The following CFAP92 variants were observed in gnomAD, a reference collection of about 807,000 sequenced individuals.
CFAP92 encodes uncharacterized protein CFAP92.
CFAP92 carries 86 observed loss-of-function variants against 106.3 expected under a neutral mutation model. The observed-to-expected ratio is 0.81, with a 90% CI of 0.68 to 0.97. CFAP92 has a LOEUF of 0.97. Ranked by LOEUF, CFAP92 falls within the 50% of genes least tolerant of loss-of-function variation. The probability of loss-of-function intolerance (pLI) is 0.00; values close to 1 mark genes in which losing one functional copy is unlikely to be tolerated. For synonymous variants in CFAP92, 477 were observed against 506.4 expected (o/e 0.94, Z 0.78); for missense variants, 1,204 against 1,283.8 (o/e 0.94, Z 0.95).
intron 12 of CFAP92, among the ~76,000 whole-genome samples, chr3:128,930,668 T>C (rs1576420502): frequency 6.6e-6 from 1 of 151,992 alleles, no homozygotes; most frequent in Non-Finnish European, 1.5e-5. Flanking sequence ...GGAGAATCAC[T>C]TGAGCCTGGG....
chr3:129,016,324 A>C, the CFAP92 span, among the ~76,000 whole-genome samples: 2 of 152,260 alleles, frequency 1.3e-5, no homozygotes, highest in South Asian at 4.1e-4. Flanking sequence ...GTGAAAGAGA[A>C]GTTCCACCTG....
intron 7 of CFAP92, among the ~76,000 whole-genome samples, chr3:128,975,426 G>GGGATGGATGGAT (rs142490124): frequency 6.7e-6 from 1 of 148,940 alleles, no homozygotes; most frequent in Admixed American, 6.7e-5. Context: ...TGGATGGATA[G>GGGATGGATGGAT]GGATGGATGG....
At chr3:128,942,299 G>A (rs1191442999) in intron 10 of CFAP92, among the ~76,000 whole-genome samples, 2 of 152,220 alleles carry the variant, frequency 1.3e-5, no homozygotes, top group Admixed American at 6.5e-5. Flanking sequence ...CTGTCTTCTC[G>A]TGGAGCCAGA....
intron 9 of CFAP92, among the ~76,000 whole-genome samples, chr3:128,957,243 C>T (rs917039968): frequency 1.3e-5 from 2 of 152,138 alleles, no homozygotes; most frequent in African/African-American, 4.8e-5. Context: ...ATACACTTTC[C>T]TTCAACCCTT....
chr3:129,002,722 G>A (rs1305674010), upstream of CFAP92: 4 of 213,936 alleles, frequency 1.9e-5, no homozygotes, highest in African/African-American at 4.6e-5. Flanking sequence ...GGAGACAGAA[G>A]TGTGAAGAAG....
chr3:128,945,817 G>A lies in CFAP92; in HGVS notation c.1512C>T (p.Gly504=). ...CGTGAACTTCCACCACCATGGGGGG[G>A]CCCTCCAGGTATTCCCTTAGGTCAC... is the stretch of plus-strand genomic sequence containing the variant. ...HPSDLREYLE[G]PPMVVEVHDR... is the part of the protein sequence containing the mutation. Residue 504 remains glycine, a synonymous_variant, in exon 10 of 16, where the codon GGC becomes GGT. Coordinates refer to ENST00000645291, the MANE Select transcript of CFAP92 (RefSeq NM_001394090.1). 1.3e-6 allele frequency: 2 copies of A among 1,521,128 alleles called. No homozygotes were observed. Among genetic ancestry groups the A allele is most frequent in the Non-Finnish European group, 8.8e-7 (1 of 1,140,032 alleles). 94.2% of individuals were successfully genotyped at this position (1,521,128 alleles called of 1,614,324 possible). A position where few individuals can be genotyped will look rare whatever the true frequency, so the allele number is the denominator to read the frequency against.
rs62265285 is a variant in CFAP92 at position 128,931,509 on chromosome 3, A to G, written c.2751+1191T>C. Among the ~76,000 whole-genome samples, 713 of 122,652 alleles carry G rather than the reference A, an allele frequency of 5.8e-3. 9 individuals carry two copies. The highest frequency in any genetic ancestry group is 0.023 in the African/African-American group (678 of 29,390). The allele number at this position is 122,652 out of a possible 152,430, so 80.5% of individuals were successfully genotyped here. A position where few individuals can be genotyped will look rare whatever the true frequency, so the allele number is the denominator to read the frequency against. ...TGTATGTATGTATATGTATATATGT[A>G]TATATATGTATGTATGTGTATATAT... On this transcript the variant is annotated intron_variant, in intron 12 of 15. Transcript: ENST00000645291.
chr3:128,977,554 T>G lies in CFAP92; in HGVS notation c.809-488A>C, dbSNP rs561449234. Among the ~76,000 whole-genome samples the G allele has an allele frequency of 1.2e-4, 19 of 152,330 alleles. No homozygotes were observed. The East Asian group carries it at 3.5e-3, about 28-fold the overall frequency. On this transcript the variant is annotated intron_variant, in intron 5 of 15. Coordinates refer to ENST00000645291, the MANE Select transcript of CFAP92 (RefSeq NM_001394090.1). ...ATTTTCTAAAAACCACATATACAAC[T>G]TCCACAGTCAGAAAAGTTTTTCGGA... is the stretch of plus-strand genomic sequence containing the variant.
chr3:128,991,248 T>A (rs1195531998), intron 2 of CFAP92, among the ~76,000 whole-genome samples: 1 of 152,158 alleles, frequency 6.6e-6, no homozygotes, highest in African/African-American at 2.4e-5. Flanking sequence ...TTTATAGCAA[T>A]AGACCCAAGA....
At chr3:128,959,800 T>C (rs1159900467) in intron 9 of CFAP92, among the ~76,000 whole-genome samples, 1 of 152,154 alleles carries the variant, frequency 6.6e-6, no homozygotes, top group Non-Finnish European at 1.5e-5. Context: ...TCCTAAATGG[T>C]AAAATACAGG....
At chr3:128,984,580 A>G (rs1331886445) in intron 4 of CFAP92, among the ~76,000 whole-genome samples, 1 of 152,110 alleles carries the variant, frequency 6.6e-6, no homozygotes, top group Non-Finnish European at 1.5e-5. Flanking sequence ...CGGCCTCCCT[A>G]TTTTTGAGGT....
chr3:128,991,394 A>G (rs1944203684), intron 2 of CFAP92: 1 of 152,510 alleles, frequency 6.6e-6, no homozygotes, highest in East Asian at 1.9e-4. Context: ...AACCATCTGT[A>G]AGACTCTCCC....
chr3:128,997,089 T>C (rs1442343391), upstream of CFAP92, among the ~76,000 whole-genome samples: 1 of 152,174 alleles, frequency 6.6e-6, no homozygotes, highest in Non-Finnish European at 1.5e-5. Flanking sequence ...ACATGGACTG[T>C]ACATCTGGTA....
At chr3:129,004,475 CCACT>C (rs1467449836), upstream of CFAP92, among the ~76,000 whole-genome samples, 23 of 146,636 alleles carry the variant, frequency 1.6e-4, no homozygotes, top group African/African-American at 4.5e-4. Flanking sequence ...ATTCATCCAT[CCACT>C]CACTCACCCA....
the CFAP92 span, among the ~76,000 whole-genome samples, chr3:129,012,085 A>G: frequency 6.6e-6 from 1 of 152,326 alleles, no homozygotes; most frequent in South Asian, 2.1e-4. Flanking sequence ...GGTGGCCTGA[A>G]GTGCCAGACC....
intron 9 of CFAP92, among the ~76,000 whole-genome samples, chr3:128,962,462 A>G (rs1202313663): frequency 1.3e-5 from 2 of 152,074 alleles, no homozygotes; most frequent in Admixed American, 6.6e-5. Flanking sequence ...CCCTTATTAG[A>G]CCGAGATATT....
At chr3:129,023,360 A>G in the CFAP92 span, among the ~76,000 whole-genome samples, 1 of 141,646 alleles carries the variant, frequency 7.1e-6, no homozygotes, top group Admixed American at 7.5e-5. Context: ...TCAGTCACCC[A>G]GGCTAGAGTG....
At chr3:128,917,444 G>A (rs16852273) in intron 12 of CFAP92, among the ~76,000 whole-genome samples, 7,276 of 152,180 alleles carry the variant, frequency 0.048, 353 homozygotes, top group African/African-American at 0.12. Flanking sequence ...AAACTGTTCC[G>A]TAGTTCTTCT....
chr3:128,945,186 G>T lies in CFAP92; in HGVS notation c.2143C>A (p.Gln715Lys). ...AAGCCAGTGAGCACATCCAGGTGCTGCTGCTCCTGGACCCGCACACGCACC... is the reference window on the plus strand; with the variant it reads ...AAGCCAGTGAGCACATCCAGGTGCTTCTGCTCCTGGACCCGCACACGCACC... ...FKVRVRVQEQ[Q>K]HLDVLTGFHL... Residue 715 changes from glutamine to lysine, a missense_variant, in exon 10 of 16, where the codon CAG becomes AAG. Transcript: ENST00000645291. 1 of 1,536,180 alleles carries T rather than the reference G, an allele frequency of 6.5e-7. No homozygotes were observed. The highest frequency in any genetic ancestry group is 8.7e-7 in the Non-Finnish European group (1 of 1,146,924).
Sources: gnomAD v4.1 joint callset for allele counts (sites outside exome capture counted in the v4.1 genomes callset) on GRCh38, gnomAD v4.1.1 for gene constraint, MANE v1.5 for transcripts, NCBI Gene and HGNC (gene_info 2026-07-23, HGNC 2026-07-21) for gene names.